The following SORL1 variants were observed in gnomAD, a reference collection of about 807,000 sequenced individuals.
The protein encoded by SORL1 is sortilin-related receptor.
In SORL1, 127 loss-of-function variants were observed where a neutral mutation model predicts 273.7. That is an observed-to-expected ratio of 0.46 (90% confidence interval 0.40 to 0.54). SORL1 has a LOEUF of 0.54. Among genes scored for constraint, SORL1 ranks in the 20% least tolerant of loss-of-function variants. The pLI, the probability that SORL1 is intolerant of heterozygous loss-of-function variation, is 0.00. For synonymous variants in SORL1, 1,031 were observed against 1,067.4 expected, an observed-to-expected ratio of 0.97 and a Z score of 0.66; for missense variants, 2,494 against 2,846.1, an observed-to-expected ratio of 0.88 and a Z score of 2.81.
chr11:121,594,779 G>T (rs1265965587), intron 31 of SORL1, among the ~76,000 whole-genome samples: 1 of 152,106 alleles, frequency 6.6e-6, no homozygotes, highest in Non-Finnish European at 1.5e-5. Flanking sequence ...TAAGGCTGGG[G>T]ACTAAAGTGC....
chr11:121,507,580 A>G lies in SORL1; in HGVS notation c.940-5423A>G, dbSNP rs190442805. 2.6e-3 allele frequency among the ~76,000 whole-genome samples: 388 copies of G among 151,956 alleles called. 3 individuals are homozygous for G. The highest frequency in any genetic ancestry group is 4.4e-3 in the Non-Finnish European group (298 of 67,932). On this transcript the variant is annotated intron_variant, in intron 6 of 47. Transcript: ENST00000260197. ...CTCTACTAAATTTTTCTTTTATTATACTTTTCAACTCCCAAATTTCTATTT... is the reference window on the plus strand; with the variant it reads ...CTCTACTAAATTTTTCTTTTATTATGCTTTTCAACTCCCAAATTTCTATTT...
chr11:121,560,309 G>C (rs189833110), intron 21 of SORL1, among the ~76,000 whole-genome samples: 1 of 152,330 alleles, frequency 6.6e-6, no homozygotes, highest in African/African-American at 2.4e-5. Context: ...GCAGACAGTA[G>C]CTGTCTTAGA....
Position 121,554,143 on chromosome 11 carries a change from T to G in SORL1, c.2439+34T>G, listed in dbSNP as rs939465912. ...GCGCTTGGTCTGACTGTGGGAGCTG[T>G]GCATCGTGACTGCCCTGTCCTGATA... On this transcript the variant is annotated intron_variant, in intron 17 of 47. Coordinates refer to ENST00000260197, the MANE Select transcript of SORL1 (RefSeq NM_003105.6). This position sits in a 1 kb window ranked among gnomAD's most constrained non-coding sequence, Gnocchi z 4.6. 6.2e-7 allele frequency: 1 copy of G among 1,601,876 alleles called. No individual in the cohort carries two copies. Among genetic ancestry groups the G allele is most frequent in the Non-Finnish European group, 8.5e-7 (1 of 1,171,630 alleles).
chr11:121,472,852 C>T (rs618874), intron 2 of SORL1, among the ~76,000 whole-genome samples: 51,986 of 151,650 alleles, frequency 0.34, 9,574 homozygotes, highest in East Asian at 0.55. Flanking sequence ...TCCAGCTACT[C>T]GGGAGGCTGA....
intron 38 of SORL1, chr11:121,609,536 G>T (rs1347539684): frequency 6.6e-6 from 1 of 152,192 alleles, no homozygotes; most frequent in Non-Finnish European, 1.5e-5. Flanking sequence ...TGGATGGTTG[G>T]TTCTCTTTAA....
At chr11:121,517,542 G>T (rs965962017) in intron 8 of SORL1, among the ~76,000 whole-genome samples, 3 of 152,198 alleles carry the variant, frequency 2.0e-5, no homozygotes, top group Non-Finnish European at 1.5e-5. Flanking sequence ...GCCCCTGGCT[G>T]TGGAATGGAA....
chr11:121,620,343 A>G (rs999327725), intron 43 of SORL1, among the ~76,000 whole-genome samples: 1 of 152,168 alleles, frequency 6.6e-6, no homozygotes, highest in Non-Finnish European at 1.5e-5. Context: ...GGTGGAGACT[A>G]TCTGGCCCTC....
chr11:121,528,679 T>C (rs1862158954), intron 11 of SORL1, among the ~76,000 whole-genome samples: 1 of 152,248 alleles, frequency 6.6e-6, no homozygotes, highest in Non-Finnish European at 1.5e-5. Flanking sequence ...GGGGGTTTCA[T>C]AGATATCTTG....
At chr11:121,486,049 C>T (rs1488195431) in intron 3 of SORL1, among the ~76,000 whole-genome samples, 1 of 152,196 alleles carries the variant, frequency 6.6e-6, no homozygotes, top group Non-Finnish European at 1.5e-5. Flanking sequence ...TGCTGGTCCA[C>T]ACCGAGGCTG....
At position 121,549,945 on chromosome 11, in the gene SORL1, C is replaced by A; in HGVS notation, c.2052-15C>A. ...ATAAAACCGTGGCCTTAACAAAGCC[C>A]AATTGCCTTTTTAGTGACTTCGGTT... is the stretch of plus-strand genomic sequence containing the variant. On this transcript the variant is annotated splice_polypyrimidine_tract_variant and intron_variant, in intron 14 of 47. Coordinates refer to ENST00000260197, the MANE Select transcript of SORL1 (RefSeq NM_003105.6). 1.2e-6 allele frequency: 2 copies of A among 1,612,316 alleles called. No individual in the cohort carries two copies. The highest frequency in any genetic ancestry group is 8.5e-7 in the Non-Finnish European group (1 of 1,178,964).
At chr11:121,564,724 G>A (rs1246327421) in intron 21 of SORL1, among the ~76,000 whole-genome samples, 2 of 151,486 alleles carry the variant, frequency 1.3e-5, no homozygotes, top group East Asian at 2.0e-4. Flanking sequence ...TCACAGATGT[G>A]TACCCGGCTA....
intron 12 of SORL1, among the ~76,000 whole-genome samples, chr11:121,534,675 TG>T (rs1862244850): frequency 6.6e-6 from 1 of 152,280 alleles, no homozygotes; most frequent in African/African-American, 2.4e-5. Flanking sequence ...AGAGGTATTT[TG>T]CTTCTTCCCC....
At chr11:121,540,120 C>T (rs780040194) in intron 12 of SORL1, among the ~76,000 whole-genome samples, 1 of 152,062 alleles carries the variant, frequency 6.6e-6, no homozygotes, top group Non-Finnish European at 1.5e-5. Context: ...ACCTTTTTTC[C>T]CATCTTGAAT....
intron 32 of SORL1, among the ~76,000 whole-genome samples, chr11:121,600,103 C>T (rs987298274): frequency 3.9e-5 from 6 of 152,144 alleles, no homozygotes; most frequent in African/African-American, 2.4e-5. Context: ...TGGCAAAACA[C>T]TCAGGATTTA....
chr11:121,529,818 T>A (rs1348261083), intron 11 of SORL1, among the ~76,000 whole-genome samples: 1 of 152,224 alleles, frequency 6.6e-6, no homozygotes, highest in East Asian at 1.9e-4. Flanking sequence ...TAATTATTGA[T>A]GTATTTGAAT....
chr11:121,553,197 T>G (rs534082197), intron 16 of SORL1, among the ~76,000 whole-genome samples: 5 of 152,240 alleles, frequency 3.3e-5, no homozygotes, highest in Non-Finnish European at 7.3e-5. Context: ...GTGAGTTACT[T>G]AACCTCTCTG....
intron 38 of SORL1, chr11:121,610,551 G>C (rs1467031423): frequency 1.3e-5 from 2 of 153,526 alleles, no homozygotes; most frequent in Admixed American, 1.3e-4. Context: ...ACATCTCTAG[G>C]CTCCAGGAAG....
chr11:121,537,662 G>T (rs565585438), intron 12 of SORL1, among the ~76,000 whole-genome samples: 2 of 152,154 alleles, frequency 1.3e-5, no homozygotes, highest in African/African-American at 4.8e-5. Flanking sequence ...ACAATCTTTT[G>T]TTCTATACTT....
chr11:121,556,559 A>G (rs1235407889), intron 18 of SORL1, among the ~76,000 whole-genome samples: 4 of 152,226 alleles, frequency 2.6e-5, no homozygotes, highest in African/African-American at 9.6e-5. Flanking sequence ...AAAAGAATGC[A>G]GGTGATGCAC....
Sources: allele counts gnomAD v4.1 joint callset (sites outside exome capture counted in the v4.1 genomes callset), GRCh38; gene constraint gnomAD v4.1.1; non-coding constraint Gnocchi (gnomAD v3.1); transcripts MANE v1.5; gene names NCBI Gene and HGNC (gene_info 2026-07-23, HGNC 2026-07-21).